Variants in MAP3K20 observed in about 807,000 individuals in gnomAD.
MAP3K20 encodes the protein mitogen-activated protein kinase kinase kinase 20.
Under a neutral mutation model 85.7 loss-of-function variants are expected in MAP3K20, and 40 were observed. The observed-to-expected ratio is 0.47, with a 90% CI of 0.36 to 0.61. MAP3K20 has a LOEUF of 0.61. Ranked by LOEUF, MAP3K20 falls within the 20% of genes least tolerant of loss-of-function variation. The pLI is 0.00. For synonymous variants in MAP3K20, 325 were observed against 327.7 expected (o/e 0.99, Z 0.09); for missense variants, 817 against 961.7 (o/e 0.85, Z 1.99).
At chr2:173,096,003 A>C (rs1190240269) in intron 2 of MAP3K20, among the ~76,000 whole-genome samples, 1 of 152,214 alleles carries the variant, frequency 6.6e-6, no homozygotes, top group East Asian at 1.9e-4. Context: ...TTTTGTAGTA[A>C]ATATTTGCAT....
chr2:173,089,309 A>G (rs908870538), intron 1 of MAP3K20, among the ~76,000 whole-genome samples: 1 of 152,042 alleles, frequency 6.6e-6, no homozygotes, highest in African/African-American at 2.4e-5. Context: ...ATTCCTATGT[A>G]CTTTTTTGGA....
At chr2:173,110,924 C>A (rs996207390) in intron 2 of MAP3K20, among the ~76,000 whole-genome samples, 1 of 152,130 alleles carries the variant, frequency 6.6e-6, no homozygotes, top group East Asian at 1.9e-4. Flanking sequence ...ATAATGACTT[C>A]TTTTCCTTTG....
chr2:173,247,921 G>A (rs1179756852), intron 16 of MAP3K20, among the ~76,000 whole-genome samples: 1 of 152,286 alleles, frequency 6.6e-6, no homozygotes, highest in Non-Finnish European at 1.5e-5. Context: ...CAGCATGGGA[G>A]CAAGAGTTCT....
chr2:173,256,904 C>A (rs1187209171), intron 16 of MAP3K20, among the ~76,000 whole-genome samples: 1 of 152,294 alleles, frequency 6.6e-6, no homozygotes, highest in South Asian at 2.1e-4. Flanking sequence ...GTAATCCCAG[C>A]ACTTTGGGAG....
chr2:173,097,678 A>T (rs900653754), intron 2 of MAP3K20, among the ~76,000 whole-genome samples: 13 of 152,244 alleles, frequency 8.5e-5, no homozygotes, highest in Non-Finnish European at 4.4e-5. Context: ...GTCGGAAGCC[A>T]GATAAATTCA....
At position 173,266,585 on chromosome 2, in the gene MAP3K20, G is replaced by A. The variant is rs906506846; in HGVS notation, c.2238G>A (p.Met746Ile). The A allele has an allele frequency of 2.5e-6, 4 of 1,613,872 alleles. No homozygotes were observed. Among genetic ancestry groups the A allele is most frequent in the Non-Finnish European group, 3.4e-6 (4 of 1,179,980 alleles). Residue 746 changes from methionine to isoleucine, a missense_variant, in exon 20 of 20, where the codon ATG becomes ATA. Met to Ile is a conservative substitution (Grantham distance 10). Transcript: ENST00000375213. ...DLHQPNTIPG[M>I]PLHPETDSRA... Reference sequence around the variant, plus strand: ...ACCAACCCAACACCATACCAGGGATGCCTTTGCACCCTGAGACTGACTCAA... The same window carrying A: ...ACCAACCCAACACCATACCAGGGATACCTTTGCACCCTGAGACTGACTCAA...
At chr2:173,199,709 C>A (rs1690979402) in intron 8 of MAP3K20, among the ~76,000 whole-genome samples, 1 of 145,810 alleles carries the variant, frequency 6.9e-6, no homozygotes, top group African/African-American at 2.5e-5. Context: ...TTTTAGCTAA[C>A]TGGACCCTCC....
In MAP3K20 at chr2:173,134,414, A is replaced by ATTTT. The variant is rs1290040694; in HGVS notation, c.160-35390_160-35389insTTTT. 5.7e-3 allele frequency among the ~76,000 whole-genome samples: 35 copies of ATTTT among 6,126 alleles called. 2 individuals carry two copies. Among genetic ancestry groups the ATTTT allele is most frequent in the Non-Finnish European group, 0.011 (30 of 2,674 alleles). 4.0% of individuals were successfully genotyped at this position (6,126 alleles called of 152,430 possible). ...TATACATATATATATATATATATAT[A>ATTTT]TATATATATATATATTTTTTTTTTT... On this transcript the variant is annotated intron_variant, in intron 2 of 19. Coordinates refer to ENST00000375213, the MANE Select transcript of MAP3K20 (RefSeq NM_016653.3).
chr2:173,168,974 C>T (rs143787900), intron 2 of MAP3K20, among the ~76,000 whole-genome samples: 146 of 152,212 alleles, frequency 9.6e-4, no homozygotes, highest in African/African-American at 3.2e-3. Context: ...TGTATAAATA[C>T]GGCCTCCTAT....
At chr2:173,097,290 A>C (rs1345939125) in intron 2 of MAP3K20, among the ~76,000 whole-genome samples, 1 of 152,188 alleles carries the variant, frequency 6.6e-6, no homozygotes, top group Non-Finnish European at 1.5e-5. Context: ...CGGGAGGCAG[A>C]GGTTGTAGTG....
intron 8 of MAP3K20, among the ~76,000 whole-genome samples, chr2:173,202,586 A>G (rs540211304): frequency 6.6e-6 from 1 of 152,342 alleles, no homozygotes; most frequent in East Asian, 1.9e-4. Context: ...ACAACTACCT[A>G]CACACATTAT....
At chr2:173,216,988 G>T (rs956931116) in intron 10 of MAP3K20, 127 bp from the exon 11 acceptor site, 12 of 917,308 alleles carry the variant, frequency 1.3e-5, no homozygotes, top group African/African-American at 8.6e-5. Context: ...TTCTCCTCCG[G>T]CAGTTACCTG....
At chr2:173,144,419 C>G (rs559276881) in intron 2 of MAP3K20, among the ~76,000 whole-genome samples, 1 of 127,740 alleles carries the variant, frequency 7.8e-6, no homozygotes, top group Non-Finnish European at 1.6e-5. Context: ...GCCGAGGTCA[C>G]GCCACTGCAC....
chr2:173,204,972 G>A (rs1287867158), intron 9 of MAP3K20, among the ~76,000 whole-genome samples: 4 of 151,492 alleles, frequency 2.6e-5, no homozygotes, highest in Non-Finnish European at 4.4e-5. Flanking sequence ...GCGTGGTGGC[G>A]GGCACCTGTA....
intron 2 of MAP3K20, among the ~76,000 whole-genome samples, chr2:173,108,549 A>G (rs1687851161): frequency 6.6e-6 from 1 of 152,236 alleles, no homozygotes; most frequent in Non-Finnish European, 1.5e-5. Flanking sequence ...TTATGATTGC[A>G]TCATAGAATA....
chr2:173,237,540 C>T (rs1225139781), intron 14 of MAP3K20, among the ~76,000 whole-genome samples: 1 of 152,190 alleles, frequency 6.6e-6, no homozygotes, highest in East Asian at 1.9e-4. Flanking sequence ...TACTTTTTTA[C>T]TCTCTCTGCA....
chr2:173,106,841 T>G (rs981696162), intron 2 of MAP3K20, among the ~76,000 whole-genome samples: 3 of 152,088 alleles, frequency 2.0e-5, no homozygotes, highest in African/African-American at 7.2e-5. Flanking sequence ...AATACAGGAA[T>G]TGGTGGTCAG....
intron 11 of MAP3K20, chr2:173,225,707 C>CA: frequency 2.0e-6 from 2 of 984,346 alleles, no homozygotes; most frequent in Non-Finnish European, 2.4e-6. Context: ...TTCTCCTGAA[C>CA]AAAATTACCC....
At chr2:173,119,786 A>G (rs527942983) in intron 2 of MAP3K20, among the ~76,000 whole-genome samples, 1 of 152,214 alleles carries the variant, frequency 6.6e-6, no homozygotes, top group South Asian at 2.1e-4. Flanking sequence ...AGAAGTTCTC[A>G]CCCTTTCCCC....
Sources: allele counts gnomAD v4.1 joint callset (sites outside exome capture counted in the v4.1 genomes callset), GRCh38; gene constraint gnomAD v4.1.1; transcripts MANE v1.5; gene names NCBI Gene and HGNC (gene_info 2026-07-23, HGNC 2026-07-21).